Variants in CACNA1C observed in about 807,000 individuals in gnomAD.
CACNA1C encodes the protein calcium voltage-gated channel subunit alpha1 C.
In CACNA1C, 30 loss-of-function variants were observed where a neutral mutation model predicts 229.0. That is an observed-to-expected ratio of 0.13 (90% CI 0.10 to 0.18). The LOEUF is 0.18. Among genes scored for constraint, CACNA1C ranks in the 10% least tolerant of loss-of-function variants. The probability of loss-of-function intolerance (pLI) is 1.00; values close to 1 mark genes in which losing one functional copy is unlikely to be tolerated. For synonymous variants in CACNA1C, 1,114 were observed against 1,132.5 expected (o/e 0.98, Z 0.33); for missense variants, 1,658 against 2,845.0 (o/e 0.58, Z 9.49).
At chr12:2,528,179 C>T (rs972358567) in intron 9 of CACNA1C, among the ~76,000 whole-genome samples, 1 of 152,188 alleles carries the variant, frequency 6.6e-6, no homozygotes, top group African/African-American at 2.4e-5. Context: ...CAGAGAAAAG[C>T]AGGCAGCCAG....
At chr12:2,046,963 G>A (rs1188452523) in intron 1 of CACNA1C, among the ~76,000 whole-genome samples, 1 of 152,200 alleles carries the variant, frequency 6.6e-6, no homozygotes, top group African/African-American at 2.4e-5. Flanking sequence ...TCTTCCAAAA[G>A]AAGGAGAAAG....
At position 2,140,200 on chromosome 12, in the gene CACNA1C, A is replaced by G. The variant is rs373965656; in HGVS notation, c.477+19770A>G. ...AGAACCTCTGTCCTGGGACAGGGACAGGCCCCAGCTCACTCTGGGAACAGT... is the reference window on the plus strand; with the variant it reads ...AGAACCTCTGTCCTGGGACAGGGACGGGCCCCAGCTCACTCTGGGAACAGT... On this transcript the variant is annotated intron_variant, in intron 3 of 46. Transcript: ENST00000399655. Among the ~76,000 whole-genome samples the G allele has an allele frequency of 7.3e-5, 11 of 151,180 alleles. No individual in the cohort carries two copies. The East Asian group carries it at 2.1e-3, about 29-fold the overall frequency.
At chr12:2,074,883 G>A (rs1349822796) in intron 1 of CACNA1C, among the ~76,000 whole-genome samples, 1 of 152,118 alleles carries the variant, frequency 6.6e-6, no homozygotes, top group African/African-American at 2.4e-5. Flanking sequence ...TCTGAGCTTG[G>A]CCATATTTGG....
chr12:2,066,247 C>T (rs2238015), intron 1 of CACNA1C, among the ~76,000 whole-genome samples: 11,097 of 151,846 alleles, frequency 0.073, 894 homozygotes, highest in East Asian at 0.42. Context: ...CCAGCATGCA[C>T]GCAGAATTAG....
chr12:2,002,904 CAAACAAACAA>C (rs1215091015), intron 1 of CACNA1C, among the ~76,000 whole-genome samples: 2 of 150,164 alleles, frequency 1.3e-5, no homozygotes, highest in Non-Finnish European at 2.9e-5. Flanking sequence ...CTCGAAAAAA[CAAACAAACAA>C]AAACAAACAA....
At chr12:1,985,400 A>C (rs2037411738) in intron 1 of CACNA1C, among the ~76,000 whole-genome samples, 2 of 152,176 alleles carry the variant, frequency 1.3e-5, no homozygotes. Flanking sequence ...TTTGCTATTA[A>C]GACCATCCAA....
chr12:2,157,286 T>G (rs564990887), intron 3 of CACNA1C, among the ~76,000 whole-genome samples: 176 of 152,310 alleles, frequency 1.2e-3, no homozygotes, highest in African/African-American at 4.0e-3. Flanking sequence ...ATCTGTCCAT[T>G]GAAAAAAATT....
intron 9 of CACNA1C, among the ~76,000 whole-genome samples, chr12:2,517,931 C>T (rs1392291988): frequency 3.3e-5 from 5 of 152,228 alleles, no homozygotes; most frequent in African/African-American, 1.2e-4. Context: ...ATTAAGACAA[C>T]TTAAATGCAC....
At chr12:2,031,461 C>T (rs2048206942) in intron 1 of CACNA1C, among the ~76,000 whole-genome samples, 2 of 152,186 alleles carry the variant, frequency 1.3e-5, no homozygotes, top group African/African-American at 4.8e-5. Flanking sequence ...GAAGACAATG[C>T]GTGCCTGTCT....
rs1262159207 is a variant in CACNA1C at position 2,633,739 on chromosome 12, A to G, written c.3829-558A>G. The G allele has an allele frequency of 8.2e-7, 1 of 1,226,326 alleles. No homozygotes were observed. Among genetic ancestry groups the G allele is most frequent in the Non-Finnish European group, 1.2e-6 (1 of 827,632 alleles). The allele number at this position is 1,226,326 out of a possible 1,614,324, so 76.0% of individuals were successfully genotyped here. A position where few individuals can be genotyped will look rare whatever the true frequency, so the allele number is the denominator to read the frequency against. On this transcript the variant is annotated intron_variant, in intron 29 of 46. Transcript: ENST00000399655. This position sits in a 1 kb window ranked among gnomAD's most constrained non-coding sequence, Gnocchi z 5.8. ...TGAGTATTACTCTGCCCTCCCCAGG[A>G]AACCTCCTCATTCCTCCTCCTCTGC...
At position 2,575,224 on chromosome 12, in the gene CACNA1C, T is replaced by A. The variant is rs2057969912; in HGVS notation, c.1896-6366T>A. Among the ~76,000 whole-genome samples the A allele has an allele frequency of 6.6e-6, 1 of 152,136 alleles. No individual in the cohort carries two copies. The highest frequency in any genetic ancestry group is 1.5e-5 in the Non-Finnish European group (1 of 68,024). On this transcript the variant is annotated intron_variant, in intron 13 of 46. Coordinates refer to ENST00000399655, the MANE Select transcript of CACNA1C (RefSeq NM_000719.7). The surrounding 1 kb of genome is among the most constrained non-coding windows in gnomAD (Gnocchi z 4.0). ...CCTCAAAAGTGAAACCACAAAATGG[T>A]CTTCCCAGCCTGCTAGAATGGACGG...
At chr12:2,028,718 A>T (rs534600909) in intron 1 of CACNA1C, among the ~76,000 whole-genome samples, 1 of 152,282 alleles carries the variant, frequency 6.6e-6, no homozygotes, top group South Asian at 2.1e-4. Context: ...GATGCAGGGA[A>T]TATTTCTGTA....
intron 34 of CACNA1C, among the ~76,000 whole-genome samples, chr12:2,663,005 C>CG (rs1468000118): frequency 6.6e-6 from 1 of 152,026 alleles, no homozygotes. Context: ...TAAGTTATTG[C>CG]GGAAAAACAA....
intron 3 of CACNA1C, among the ~76,000 whole-genome samples, chr12:2,137,070 G>C (rs914299687): frequency 6.6e-6 from 1 of 151,326 alleles, no homozygotes; most frequent in Non-Finnish European, 1.5e-5. Context: ...ACGGCGCCCC[G>C]CCCAGGTGAG....
At chr12:2,421,111 T>TC (rs1167022139) in intron 3 of CACNA1C, among the ~76,000 whole-genome samples, 11 of 152,340 alleles carry the variant, frequency 7.2e-5, no homozygotes, top group African/African-American at 2.4e-4. Context: ...AGATTGTTTT[T>TC]CTCATACTTC....
intron 29 of CACNA1C, among the ~76,000 whole-genome samples, chr12:2,628,578 T>G (rs2088449200): frequency 6.6e-6 from 1 of 152,132 alleles, no homozygotes; most frequent in Non-Finnish European, 1.5e-5. Flanking sequence ...AACCTGTGAC[T>G]CCTACGTCAC....
At chr12:2,144,793 A>G (rs945269061) in intron 3 of CACNA1C, among the ~76,000 whole-genome samples, 2 of 151,358 alleles carry the variant, frequency 1.3e-5, no homozygotes, top group East Asian at 1.9e-4. Context: ...TCATCCTGCT[A>G]AAGTGATCCC....
At chr12:2,331,476 G>C (rs1349208042) in intron 3 of CACNA1C, among the ~76,000 whole-genome samples, 1 of 152,234 alleles carries the variant, frequency 6.6e-6, no homozygotes. Flanking sequence ...TCAGAAGGAC[G>C]AGGTCGTGTC....
intron 29 of CACNA1C, among the ~76,000 whole-genome samples, chr12:2,616,860 A>C (rs1039605881): frequency 2.1e-4 from 32 of 152,242 alleles, no homozygotes; most frequent in African/African-American, 7.7e-4. Context: ...TCCTCTCCAG[A>C]CTTCCTGCCG....
Sources: allele counts gnomAD v4.1 joint callset (sites outside exome capture counted in the v4.1 genomes callset), GRCh38; gene constraint gnomAD v4.1.1; non-coding constraint Gnocchi (gnomAD v3.1); transcripts MANE v1.5; gene names NCBI Gene and HGNC (gene_info 2026-07-23, HGNC 2026-07-21).